Variants in NRG1 observed in about 807,000 individuals in gnomAD.
NRG1 encodes the protein neuregulin 1, also known as pro-neuregulin-1, membrane-bound isoform.
Under a neutral mutation model 63.8 loss-of-function variants are expected in NRG1, and 18 were observed. That is an observed-to-expected ratio of 0.28 (90% CI 0.19 to 0.42). NRG1 has a LOEUF of 0.42. NRG1 is among the 10% of genes least tolerant of loss of function. NRG1 has a pLI of 1.00. For synonymous variants in NRG1, 302 were observed against 301.3 expected (o/e 1.00, Z -0.02); for missense variants, 762 against 814.7 (o/e 0.94, Z 0.79).
At chr8:32,391,251 C>T (rs985109210) in intron 1 of NRG1, among the ~76,000 whole-genome samples, 3 of 152,018 alleles carry the variant, frequency 2.0e-5, no homozygotes, top group Non-Finnish European at 4.4e-5. Flanking sequence ...CCACCTCAGC[C>T]TCCCTAATAG....
chr8:32,734,840 A>G (rs969188634), intron 6 of NRG1, among the ~76,000 whole-genome samples: 1 of 152,220 alleles, frequency 6.6e-6, no homozygotes, highest in Non-Finnish European at 1.5e-5. Flanking sequence ...CACTTATAAA[A>G]ATCAGTTGAG....
intron 3 of NRG1, among the ~76,000 whole-genome samples, chr8:32,610,503 A>G (rs1384868201): frequency 6.6e-6 from 1 of 152,186 alleles, no homozygotes; most frequent in East Asian, 1.9e-4. Context: ...GTTTAGATCT[A>G]TCTGGATTAG....
chr8:32,407,522 A>G (rs1324698591), intron 1 of NRG1, among the ~76,000 whole-genome samples: 1 of 152,000 alleles, frequency 6.6e-6, no homozygotes, highest in Non-Finnish European at 1.5e-5. Context: ...GATGTCTAAC[A>G]TCAATTGATT....
intron 1 of NRG1, among the ~76,000 whole-genome samples, chr8:32,186,580 G>A (rs1372304888): frequency 2.0e-5 from 3 of 152,168 alleles, no homozygotes; most frequent in Non-Finnish European, 4.4e-5. Flanking sequence ...TCTGCTGCTG[G>A]TGGCACACTG....
At chr8:32,735,299 G>A (rs966080212) in intron 6 of NRG1, among the ~76,000 whole-genome samples, 1 of 151,992 alleles carries the variant, frequency 6.6e-6, no homozygotes, top group African/African-American at 2.4e-5. Context: ...TTATAACTTG[G>A]CTATTGTGAA....
intron 1 of NRG1, among the ~76,000 whole-genome samples, chr8:32,289,705 T>G (rs1444612285): frequency 6.6e-6 from 1 of 152,180 alleles, no homozygotes; most frequent in Admixed American, 6.5e-5. Flanking sequence ...GTACTTTAGC[T>G]TGTCTAACTT....
intron 1 of NRG1, among the ~76,000 whole-genome samples, chr8:31,957,231 G>T (rs1375529204): frequency 2.6e-5 from 4 of 151,892 alleles, no homozygotes; most frequent in African/African-American, 9.7e-5. Flanking sequence ...TTACAAGGGG[G>T]TGTCCCTGAG....
At chr8:32,515,354 T>C (rs558250214) in intron 1 of NRG1, among the ~76,000 whole-genome samples, 58 of 152,272 alleles carry the variant, frequency 3.8e-4, no homozygotes, top group African/African-American at 1.3e-3. Context: ...CTTTGATGAT[T>C]AGTGATGTTG....
At chr8:32,094,767 C>G (rs575485258) in intron 1 of NRG1, among the ~76,000 whole-genome samples, 1 of 151,522 alleles carries the variant, frequency 6.6e-6, no homozygotes, top group East Asian at 1.9e-4. Context: ...CTTTTTTGTC[C>G]TTCTACCCTC....
intron 1 of NRG1, among the ~76,000 whole-genome samples, chr8:32,341,668 G>A (rs771835685): frequency 1.4e-4 from 22 of 152,142 alleles, no homozygotes; most frequent in South Asian, 4.2e-4. Context: ...TTCCGTGTCC[G>A]TTCTCAGGCA....
intron 7 of NRG1, among the ~76,000 whole-genome samples, chr8:32,773,791 T>A (rs1831941379): frequency 6.6e-6 from 1 of 152,142 alleles, no homozygotes; most frequent in Non-Finnish European, 1.5e-5. Flanking sequence ...CCTCCATGGC[T>A]CCCCACCTGA....
At chr8:31,982,484 A>T (rs1292767883) in intron 1 of NRG1, among the ~76,000 whole-genome samples, 1 of 152,084 alleles carries the variant, frequency 6.6e-6, no homozygotes, top group Non-Finnish European at 1.5e-5. Flanking sequence ...AGAGATGTGG[A>T]TAATACAGTC....
At chr8:32,299,850 C>A (rs541116398) in intron 1 of NRG1, among the ~76,000 whole-genome samples, 9 of 152,216 alleles carry the variant, frequency 5.9e-5, no homozygotes, top group African/African-American at 2.2e-4. Context: ...TCCACTGGGT[C>A]CCTCCTGTGA....
At chr8:32,083,804 G>A (rs1827846386) in intron 1 of NRG1, among the ~76,000 whole-genome samples, 2 of 151,988 alleles carry the variant, frequency 1.3e-5, no homozygotes, top group African/African-American at 4.8e-5. Context: ...AAAAGAAAGT[G>A]ACATATATTG....
intron 5 of NRG1, among the ~76,000 whole-genome samples, chr8:32,626,361 T>G (rs566322662): frequency 1.8e-3 from 273 of 152,114 alleles, no homozygotes; most frequent in Non-Finnish European, 2.9e-3. Context: ...AATTAAGTTT[T>G]TTTTTTTTTT....
At chr8:32,393,480 A>T (rs527276377) in intron 1 of NRG1, among the ~76,000 whole-genome samples, 4 of 152,322 alleles carry the variant, frequency 2.6e-5, no homozygotes, top group Admixed American at 2.0e-4. Context: ...CATGAAATCA[A>T]CCTAAATGCC....
At chr8:31,888,882 A>G (rs1269788126) in intron 1 of NRG1, among the ~76,000 whole-genome samples, 3 of 152,130 alleles carry the variant, frequency 2.0e-5, no homozygotes, top group Non-Finnish European at 4.4e-5. Context: ...AAACATTAAA[A>G]TTTGAATAAG....
chr8:32,391,306 A>T (rs11986665), intron 1 of NRG1, among the ~76,000 whole-genome samples: 137,711 of 151,980 alleles, frequency 0.91, 63,100 homozygotes, highest in Non-Finnish European at 0.95. Context: ...AGGGTTTTTT[A>T]AATTTTTCAT....
chr8:32,374,545 C>T (rs1040107498), intron 1 of NRG1, among the ~76,000 whole-genome samples: 15 of 152,224 alleles, frequency 9.9e-5, no homozygotes, highest in South Asian at 2.1e-4. Context: ...TGTTGTTTGA[C>T]GAATAGCAAA....
Sources: gnomAD v4.1 joint callset for allele counts (sites outside exome capture counted in the v4.1 genomes callset) on GRCh38, gnomAD v4.1.1 for gene constraint, MANE v1.5 for transcripts, NCBI Gene and HGNC (gene_info 2026-07-23, HGNC 2026-07-21) for gene names.